Variants in CLTA observed in about 807,000 individuals in gnomAD.
CLTA encodes the protein clathrin, light polypeptide (Lca).
A neutral mutation model predicts 26.9 loss-of-function variants in CLTA; 9 were observed. The observed-to-expected ratio is 0.33, with a 90% CI of 0.20 to 0.58. CLTA has a LOEUF of 0.58. Ranked by LOEUF, CLTA falls within the 20% of genes least tolerant of loss-of-function variation. The pLI, the probability that CLTA is intolerant of heterozygous loss-of-function variation, is 0.85. For missense variants in CLTA, 278 were observed against 294.2 expected (o/e 0.94, Z 0.40); for synonymous variants, 120 against 115.5 (o/e 1.04, Z -0.25).
intron 4 of CLTA, among the ~76,000 whole-genome samples, chr9:36,207,316 C>T (rs1281893673): frequency 6.6e-6 from 1 of 152,220 alleles, no homozygotes; most frequent in African/African-American, 2.4e-5. Flanking sequence ...GTGACTGACT[C>T]CTGCAGCTGG....
chr9:36,197,212 C>A lies in CLTA; in HGVS notation c.218-339C>A, dbSNP rs941196256. Among the ~76,000 whole-genome samples the A allele has an allele frequency of 9.9e-5, 15 of 151,802 alleles. 1 individual carries two copies. In the South Asian group the frequency reaches 2.9e-3, roughly 29 times the overall value. On this transcript the variant is annotated intron_variant, in intron 1 of 4. Coordinates refer to ENST00000345519, the MANE Select transcript of CLTA (RefSeq NM_001833.4). Reference sequence around the variant, plus strand: ...AGGTCTCTGCTCACTATGGGTGATTCCAGGCCACACTTTTTTTTTTCCCTC... The same window carrying A: ...AGGTCTCTGCTCACTATGGGTGATTACAGGCCACACTTTTTTTTTTCCCTC...
chr9:36,204,058 C>A lies in CLTA; in HGVS notation c.374-10C>A. 9.9e-6 allele frequency: 16 copies of A among 1,613,978 alleles called. No individual in the cohort carries two copies. Among genetic ancestry groups the A allele is most frequent in the Non-Finnish European group, 1.3e-5 (15 of 1,179,916 alleles). On this transcript the variant is annotated splice_polypyrimidine_tract_variant and intron_variant, in intron 3 of 4. Transcript: ENST00000345519. ...CAATTGTATTGTCTTTCTCTTCTCTCCCTTCAAAGATGCCAATTCTCGGAA... is the reference window on the plus strand; with the variant it reads ...CAATTGTATTGTCTTTCTCTTCTCTACCTTCAAAGATGCCAATTCTCGGAA...
chr9:36,198,843 A>C, intron 2 of CLTA, 136 bp from the exon 3 acceptor site: 28 of 550,560 alleles, frequency 5.1e-5, no homozygotes, highest in Non-Finnish European at 5.6e-5. Context: ...ACTGCACTCC[A>C]GCCTTGGCGA....
In CLTA at chr9:36,193,883, C is replaced by A. The variant is rs567749836; in HGVS notation, c.217+2610C>A. ...GGTGAAGTGATATTGAGGTAACCAG[C>A]TGTGGGGGATATTGAGGAAGAACAG... On this transcript the variant is annotated intron_variant, in intron 1 of 4. Coordinates refer to ENST00000345519, the MANE Select transcript of CLTA (RefSeq NM_001833.4). 1.5e-3 allele frequency among the ~76,000 whole-genome samples: 235 copies of A among 152,230 alleles called. 4 individuals carry two copies. Among genetic ancestry groups the A allele is most frequent in the African/African-American group, 1.0e-3 (43 of 41,514 alleles).
At chr9:36,199,617 AT>A (rs11377472) in intron 3 of CLTA, among the ~76,000 whole-genome samples, 3 of 146,594 alleles carry the variant, frequency 2.0e-5, no homozygotes, top group South Asian at 2.2e-4. Flanking sequence ...CGTCCCGCTC[AT>A]TTTTTTTTTG....
At chr9:36,202,885 G>A (rs372897447) in intron 3 of CLTA, among the ~76,000 whole-genome samples, 2 of 150,732 alleles carry the variant, frequency 1.3e-5, no homozygotes, top group African/African-American at 2.4e-5. Flanking sequence ...GCAGTGGTGC[G>A]ATCTCAGCTC....
chr9:36,204,090 A>G lies in CLTA; in HGVS notation c.396A>G (p.Glu132=), dbSNP rs1340382258. The change falls in exon 4 of 5, where the codon GAA becomes GAG. Residue 132 remains glutamate (E), a synonymous_variant. Coordinates refer to ENST00000345519, the MANE Select transcript of CLTA (RefSeq NM_001833.4). The part of the protein sequence containing the change: ...EALDANSRKQ[E]AEWKEKAIKE... Reference sequence around the variant, plus strand: ...AAGATGCCAATTCTCGGAAGCAAGAAGCAGAGTGGAAAGAAAAGGCAATAA... The same window carrying G: ...AAGATGCCAATTCTCGGAAGCAAGAGGCAGAGTGGAAAGAAAAGGCAATAA... The G allele has an allele frequency of 1.9e-6, 3 of 1,614,176 alleles. No individual in the cohort carries two copies. The highest frequency in any genetic ancestry group is 2.5e-6 in the Non-Finnish European group (3 of 1,180,002).
intron 3 of CLTA, among the ~76,000 whole-genome samples, chr9:36,202,912 C>G (rs955133513): frequency 1.3e-5 from 2 of 151,834 alleles, no homozygotes; most frequent in East Asian, 1.9e-4. Context: ...ACCTCTGCCT[C>G]CCAGATTCAA....
At position 36,191,205 on chromosome 9, in the gene CLTA, A is replaced by G; in HGVS notation, c.149A>G (p.Glu50Gly). ...GAGATTGCGGGCATCGAGAACGACG[A>G]GGCCTTCGCCATCCTGGACGGCGGC... ...ESEIAGIEND[E>G]AFAILDGGAP... Residue 50 changes from glutamate to glycine, a missense_variant, in exon 1 of 5, where the codon GAG (glutamate) becomes GGG (glycine). Transcript: ENST00000345519. The G allele has an allele frequency of 1.3e-6, 2 of 1,568,902 alleles. No homozygotes were observed. The highest frequency in any genetic ancestry group is 1.7e-6 in the Non-Finnish European group (2 of 1,161,004).
chr9:36,205,577 G>A lies in CLTA; in HGVS notation c.485+1398G>A, dbSNP rs535016456. On this transcript the variant is annotated intron_variant, in intron 4 of 4. Transcript: ENST00000345519. ...TACTGTAGCTGTGCCGACCCTCCCC[G>A]CTCTGGGTCTGTGATGCGTCAATAA... 3.9e-5 allele frequency among the ~76,000 whole-genome samples: 6 copies of A among 152,198 alleles called. No homozygotes were observed. The East Asian group carries it at 5.8e-4, about 15-fold the overall frequency.
intron 4 of CLTA, chr9:36,209,222 T>G: frequency 6.2e-7 from 1 of 1,612,710 alleles, no homozygotes; most frequent in Non-Finnish European, 8.5e-7. Context: ...TGTTCTCTCT[T>G]TTTTCCTGCC....
chr9:36,198,128 C>G (rs1342576944), intron 2 of CLTA, among the ~76,000 whole-genome samples: 1 of 151,206 alleles, frequency 6.6e-6, no homozygotes, highest in Admixed American at 6.6e-5. Flanking sequence ...TCCTGAGTAG[C>G]TGGAATTACA....
rs193030457 is a variant in CLTA at position 36,205,530 on chromosome 9, A to G, written c.485+1351A>G. 4.6e-3 allele frequency among the ~76,000 whole-genome samples: 701 copies of G among 152,290 alleles called. 6 individuals carry two copies. The highest frequency in any genetic ancestry group is 4.8e-3 in the Non-Finnish European group (325 of 68,024). On this transcript the variant is annotated intron_variant, in intron 4 of 4. Coordinates refer to ENST00000345519, the MANE Select transcript of CLTA (RefSeq NM_001833.4). Reference sequence around the variant, plus strand: ...GAGAACTCCCCCAGCCTGCGACCCCAGCATTTAAGTTTAGTCTGAAGTACT... The same window carrying G: ...GAGAACTCCCCCAGCCTGCGACCCCGGCATTTAAGTTTAGTCTGAAGTACT...
rs368113325 is a variant in CLTA, at chr9:36,203,377, C to T, written c.374-691C>T. 2.4e-4 allele frequency among the ~76,000 whole-genome samples: 36 copies of T among 152,294 alleles called. 1 individual carries two copies. The East Asian group carries it at 4.8e-3, about 20-fold the overall frequency. ...GTGGAGTTTCTTTTGTAGCTCTGCC[C>T]TGGCTCTGCCACAAACACACTGCAG... On this transcript the variant is annotated intron_variant, in intron 3 of 4. Transcript: ENST00000345519.
intron 3 of CLTA, among the ~76,000 whole-genome samples, chr9:36,201,961 A>C (rs1251888174): frequency 1.3e-5 from 2 of 151,906 alleles, no homozygotes; most frequent in Non-Finnish European, 2.9e-5. Context: ...AAAAAAAAAA[A>C]TTAGCTGGGG....
At chr9:36,196,282 CA>C (rs200848535) in intron 1 of CLTA, among the ~76,000 whole-genome samples, 5 of 116,388 alleles carry the variant, frequency 4.3e-5, no homozygotes, top group Admixed American at 7.8e-5. Flanking sequence ...GACTCTCTCT[CA>C]AAAAAAAATA....
chr9:36,206,867 C>T (rs1039922211), intron 4 of CLTA, among the ~76,000 whole-genome samples: 6 of 152,014 alleles, frequency 3.9e-5, no homozygotes, highest in Non-Finnish European at 5.9e-5. Context: ...TGCACTCCAG[C>T]CTGGGCAACA....
chr9:36,192,626 A>G (rs1826798599), intron 1 of CLTA, among the ~76,000 whole-genome samples: 1 of 152,002 alleles, frequency 6.6e-6, no homozygotes, highest in African/African-American at 2.4e-5. Context: ...GGTGGTCTCT[A>G]ACATTTGTCT....
At chr9:36,208,781 G>A (rs1827866536) in intron 4 of CLTA, among the ~76,000 whole-genome samples, 1 of 152,184 alleles carries the variant, frequency 6.6e-6, no homozygotes, top group African/African-American at 2.4e-5. Flanking sequence ...TGACTATACA[G>A]TAGAAAGAGC....
Sources: allele counts gnomAD v4.1 joint callset (sites outside exome capture counted in the v4.1 genomes callset), GRCh38; gene constraint gnomAD v4.1.1; transcripts MANE v1.5; gene names NCBI Gene and HGNC (gene_info 2026-07-23, HGNC 2026-07-21).